The following BRI3 variants were observed in gnomAD, a reference collection of about 807,000 sequenced individuals.
BRI3 encodes the protein membrane protein BRI3.
BRI3 carries 6 observed loss-of-function variants against 12.8 expected under a neutral mutation model. The observed-to-expected ratio is 0.47, with a 90% CI of 0.26 to 0.93. The LOEUF (loss-of-function observed/expected upper bound fraction) is 0.93. Ranked by LOEUF, BRI3 falls within the 40% of genes least tolerant of loss-of-function variation. BRI3 has a pLI of 0.15. For synonymous variants in BRI3, 91 were observed against 76.1 expected, an observed-to-expected ratio of 1.20 and a Z score of -1.02; for missense variants, 134 against 171.1, an observed-to-expected ratio of 0.78 and a Z score of 1.21.
chr7:98,306,756 G>C, intron 1 of BRI3: 1 of 523,170 alleles, frequency 1.9e-6, no homozygotes, highest in South Asian at 2.0e-5. Flanking sequence ...TGCCCAGGCT[G>C]GAGTGCAGTG....
chr7:98,308,143 C>A (rs923674700), exon 2 of BRI3: 2 of 633,260 alleles, frequency 3.2e-6, no homozygotes, highest in South Asian at 1.5e-5. Flanking sequence ...CGGCTGCGGG[C>A]TCTTTTCCAG....
At position 98,282,473 on chromosome 7, in the gene BRI3, G is replaced by C. The variant is rs1224305634; in HGVS notation, c.245+20G>C. 6 of 1,601,910 alleles carry C rather than the reference G, an allele frequency of 3.7e-6. No individual in the cohort carries two copies. The highest frequency in any genetic ancestry group is 5.1e-6 in the Non-Finnish European group (6 of 1,169,144). On this transcript the variant is annotated intron_variant, in intron 2 of 2. Transcript: ENST00000297290. The stretch of plus-strand genomic sequence containing the variant: ...CTGCAGGTGAGTGGGTCTGCAGCCT[G>C]GGGACTGGCCCTGGAAGCTCTGAGG...
chr7:98,306,291 C>A, upstream of BRI3: 2 of 947,566 alleles, frequency 2.1e-6, no homozygotes, highest in Non-Finnish European at 3.2e-6. Flanking sequence ...CGGCAGACAG[C>A]ACTGTGAGCC....
upstream of BRI3, among the ~76,000 whole-genome samples, chr7:98,305,017 C>T (rs998319689): frequency 6.6e-6 from 1 of 150,818 alleles, no homozygotes; most frequent in African/African-American, 2.4e-5. Context: ...AGGCGCCTGC[C>T]ACCACGCCCA....
chr7:98,284,741 C>T (rs1338862801), intron 2 of BRI3, among the ~76,000 whole-genome samples: 1 of 152,208 alleles, frequency 6.6e-6, no homozygotes, highest in African/African-American at 2.4e-5. Context: ...GCCAGGCCTT[C>T]GCTGAAGCTG....
intron 2 of BRI3, among the ~76,000 whole-genome samples, chr7:98,287,887 C>G (rs1304230911): frequency 6.6e-6 from 1 of 152,214 alleles, no homozygotes; most frequent in Non-Finnish European, 1.5e-5. Context: ...ACCCACACCC[C>G]TTTGCCCAGC....
intron 1 of BRI3, 128 bp from the exon 2 acceptor site, chr7:98,282,223 C>T: frequency 1.1e-6 from 1 of 892,202 alleles, no homozygotes; most frequent in Non-Finnish European, 1.7e-6. Context: ...CCGCGGTGGC[C>T]GTCCCGAGGG....
At chr7:98,299,117 C>G (rs1376212667) in intron 1 of BRI3, among the ~76,000 whole-genome samples, 2 of 151,930 alleles carry the variant, frequency 1.3e-5, no homozygotes, top group Non-Finnish European at 2.9e-5. Flanking sequence ...CCGGGTTCAA[C>G]TGATTCTCCT....
chr7:98,320,174 A>C, the BRI3 span: 1 of 1,592,074 alleles, frequency 6.3e-7, no homozygotes, highest in Non-Finnish European at 8.6e-7. Context: ...TGAGATTTTA[A>C]GCAAAATAAG....
downstream of BRI3, among the ~76,000 whole-genome samples, chr7:98,310,942 T>C (rs1283989790): frequency 6.6e-6 from 1 of 152,050 alleles, no homozygotes; most frequent in African/African-American, 2.4e-5. Flanking sequence ...CGCCTAGGCC[T>C]CCCAAAGTGC....
downstream of BRI3, among the ~76,000 whole-genome samples, chr7:98,315,282 T>C (rs1801030805): frequency 6.6e-6 from 1 of 152,050 alleles, no homozygotes; most frequent in Admixed American, 6.5e-5. Context: ...CTACCATGCC[T>C]GGCTAGTTTT....
chr7:98,314,285 G>A (rs528833066), downstream of BRI3, among the ~76,000 whole-genome samples: 87 of 152,150 alleles, frequency 5.7e-4, 1 homozygote, highest in African/African-American at 2.0e-3. Context: ...GCGCAGTCCT[G>A]AATATTCCTT....
chr7:98,285,308 C>T (rs879562782), intron 2 of BRI3, among the ~76,000 whole-genome samples: 22 of 152,050 alleles, frequency 1.4e-4, no homozygotes, highest in South Asian at 4.1e-4. Flanking sequence ...CTGTGGAGCC[C>T]GGGAGGGGCT....
chr7:98,292,849 T>C, downstream of BRI3: 4 of 1,457,838 alleles, frequency 2.7e-6, no homozygotes, highest in Non-Finnish European at 3.6e-6. Context: ...TGGCGACTCC[T>C]AACTACCAAG....
the BRI3 span, among the ~76,000 whole-genome samples, chr7:98,318,033 C>T: frequency 6.6e-6 from 1 of 151,652 alleles, no homozygotes; most frequent in East Asian, 2.0e-4. Flanking sequence ...GGGACCCTTA[C>T]TCTGCAACTC....
At chr7:98,320,928 C>T in the BRI3 span, among the ~76,000 whole-genome samples, 2 of 152,242 alleles carry the variant, frequency 1.3e-5, no homozygotes, top group Non-Finnish European at 2.9e-5. Context: ...ACGACCTTGG[C>T]TCACTGCAGC....
downstream of BRI3, among the ~76,000 whole-genome samples, chr7:98,296,161 C>T (rs1800183128): frequency 6.6e-6 from 1 of 152,232 alleles, no homozygotes; most frequent in African/African-American, 2.4e-5. Flanking sequence ...ACAGCCATCT[C>T]TGTGCCAGGG....
the BRI3 span, among the ~76,000 whole-genome samples, chr7:98,316,795 C>T: frequency 6.6e-6 from 1 of 152,136 alleles, no homozygotes; most frequent in Admixed American, 6.5e-5. Flanking sequence ...ACACAATGAC[C>T]ATCCTCAGCT....
chr7:98,284,136 C>T (rs140992489), intron 2 of BRI3, among the ~76,000 whole-genome samples: 2 of 152,336 alleles, frequency 1.3e-5, no homozygotes, highest in African/African-American at 4.8e-5. Flanking sequence ...TACTTAATCA[C>T]TGCTCTCTGC....
Sources: allele counts gnomAD v4.1 joint callset (sites outside exome capture counted in the v4.1 genomes callset), GRCh38; gene constraint gnomAD v4.1.1; transcripts MANE v1.5; gene names NCBI Gene and HGNC (gene_info 2026-07-23, HGNC 2026-07-21).